Variants in TSHZ2 observed in about 807,000 individuals in gnomAD.
TSHZ2 encodes teashirt homolog 2.
In TSHZ2, 21 loss-of-function variants were observed where a neutral mutation model predicts 74.4. The ratio of observed to expected loss-of-function variants is 0.28; its 90% confidence interval spans 0.20 to 0.41. The LOEUF is 0.41. TSHZ2 is among the 10% of genes least tolerant of loss of function. TSHZ2 has a pLI of 1.00. For missense variants in TSHZ2, 1,244 were observed against 1,293.5 expected (o/e 0.96, Z 0.59); for synonymous variants, 540 against 515.3 (o/e 1.05, Z -0.65).
rs1983212286 is a variant in TSHZ2 at position 53,020,725 on chromosome 20, C to T, written c.40+47392C>T. ...AACTGAATAGCCAAAATCCAAAGAC[C>T]AGGGATAGCCTCAGGTTTACACTGT... On this transcript the variant is annotated intron_variant, in intron 1 of 2. Coordinates refer to ENST00000371497, the MANE Select transcript of TSHZ2 (RefSeq NM_173485.6). Among the ~76,000 whole-genome samples, 3 of 152,166 alleles carry T rather than the reference C, an allele frequency of 2.0e-5. No individual in the cohort carries two copies. The South Asian group carries it at 6.2e-4, about 32-fold the overall frequency.
At chr20:53,199,916 G>T (rs1988960232) in intron 1 of TSHZ2, among the ~76,000 whole-genome samples, 3 of 152,180 alleles carry the variant, frequency 2.0e-5, no homozygotes, top group Non-Finnish European at 4.4e-5. Flanking sequence ...GAGTAAATGT[G>T]TATACATCAC....
chr20:53,347,891 A>G (rs1289265808), intron 2 of TSHZ2, among the ~76,000 whole-genome samples: 1 of 152,174 alleles, frequency 6.6e-6, no homozygotes, highest in Non-Finnish European at 1.5e-5. Flanking sequence ...TACATTGACA[A>G]TGTGTGCACC....
intron 2 of TSHZ2, among the ~76,000 whole-genome samples, chr20:53,473,927 T>C (rs1985909995): frequency 6.6e-6 from 1 of 151,624 alleles, no homozygotes; most frequent in Non-Finnish European, 1.5e-5. Context: ...ATGAAATGAA[T>C]GAAATGAAGC....
chr20:53,463,382 GGAAGGAAGGA>G (rs1985444282), intron 2 of TSHZ2, among the ~76,000 whole-genome samples: 1 of 40,550 alleles, frequency 2.5e-5, no homozygotes, highest in Non-Finnish European at 5.2e-5. Flanking sequence ...GAGAGAGAGA[GGAAGGAAGGA>G]AGGAAGGAAG....
chr20:53,440,903 C>T (rs1984287123), intron 2 of TSHZ2, among the ~76,000 whole-genome samples: 1 of 152,350 alleles, frequency 6.6e-6, no homozygotes, highest in South Asian at 2.1e-4. Flanking sequence ...GTTTGGGCAT[C>T]AGTATTTTTA....
intron 1 of TSHZ2, among the ~76,000 whole-genome samples, chr20:53,126,013 GT>G (rs1986938313): frequency 6.9e-6 from 1 of 145,264 alleles, no homozygotes. Flanking sequence ...AAAACTCTGG[GT>G]TTTTGTTTGT....
chr20:53,137,922 ATAAATC>A (rs1987288065), intron 1 of TSHZ2, among the ~76,000 whole-genome samples: 1 of 152,232 alleles, frequency 6.6e-6, no homozygotes, highest in Non-Finnish European at 1.5e-5. Context: ...TCTTTAAAAA[ATAAATC>A]TAATAAAGTG....
intron 2 of TSHZ2, among the ~76,000 whole-genome samples, chr20:53,461,029 C>T (rs1985341460): frequency 6.6e-6 from 1 of 152,214 alleles, no homozygotes; most frequent in African/African-American, 2.4e-5. Context: ...GTGGAGCCTA[C>T]AGAGGCAGGC....
chr20:53,041,986 G>A (rs574298899), intron 1 of TSHZ2, among the ~76,000 whole-genome samples: 1 of 152,254 alleles, frequency 6.6e-6, no homozygotes, highest in East Asian at 1.9e-4. Context: ...ACAGAGAGGA[G>A]CATTCTGAGA....
At chr20:53,313,826 T>G (rs1978885800) in intron 2 of TSHZ2, among the ~76,000 whole-genome samples, 1 of 152,194 alleles carries the variant, frequency 6.6e-6, no homozygotes, top group African/African-American at 2.4e-5. Context: ...TTATGTGATC[T>G]TTGGCTCTGA....
chr20:53,303,626 T>C (rs1403936111), intron 2 of TSHZ2, among the ~76,000 whole-genome samples: 1 of 152,212 alleles, frequency 6.6e-6, no homozygotes, highest in Admixed American at 6.5e-5. Context: ...AGAAATTGTA[T>C]TTTTCTTAAT....
chr20:53,108,461 G>C (rs745988666), intron 1 of TSHZ2, among the ~76,000 whole-genome samples: 3 of 152,180 alleles, frequency 2.0e-5, no homozygotes, highest in South Asian at 2.1e-4. Context: ...AATTATAGCT[G>C]GAAGACGGTA....
At chr20:53,068,317 T>C (rs529529992) in intron 1 of TSHZ2, among the ~76,000 whole-genome samples, 1 of 152,094 alleles carries the variant, frequency 6.6e-6, no homozygotes, top group African/African-American at 2.4e-5. Context: ...GAGTCCTGCT[T>C]GTCTCTTTGG....
At chr20:52,988,390 G>A (rs905123116) in intron 1 of TSHZ2, among the ~76,000 whole-genome samples, 3 of 152,128 alleles carry the variant, frequency 2.0e-5, no homozygotes, top group Admixed American at 2.0e-4. Context: ...CAAGCTTTTA[G>A]ATAGGATACT....
At chr20:53,383,773 CAAT>C (rs900643183) in intron 2 of TSHZ2, among the ~76,000 whole-genome samples, 1 of 151,880 alleles carries the variant, frequency 6.6e-6, no homozygotes. Context: ...AAAATAATAA[CAAT>C]AATAATAATA....
intron 2 of TSHZ2, among the ~76,000 whole-genome samples, chr20:53,301,839 G>A (rs1978331430): frequency 6.6e-6 from 1 of 152,100 alleles, no homozygotes; most frequent in Non-Finnish European, 1.5e-5. Context: ...GCCATTTGAC[G>A]GGAGAAAAGT....
intron 1 of TSHZ2, among the ~76,000 whole-genome samples, chr20:53,089,013 G>A (rs1985788237): frequency 6.6e-6 from 1 of 152,092 alleles, no homozygotes; most frequent in African/African-American, 2.4e-5. Flanking sequence ...CTCCTTGACT[G>A]CCAGGGAGAA....
chr20:53,122,298 AAAAAAG>A (rs1181024636), intron 1 of TSHZ2, among the ~76,000 whole-genome samples: 11 of 145,224 alleles, frequency 7.6e-5, no homozygotes, highest in Admixed American at 2.2e-4. Flanking sequence ...CAAAAAAAAA[AAAAAAG>A]AAAGAAAACA....
chr20:53,105,629 T>G (rs1986339720), intron 1 of TSHZ2, among the ~76,000 whole-genome samples: 1 of 151,874 alleles, frequency 6.6e-6, no homozygotes, highest in Non-Finnish European at 1.5e-5. Context: ...TTAAGTTATA[T>G]TTTATTTTAT....
Sources: allele counts gnomAD v4.1 joint callset (sites outside exome capture counted in the v4.1 genomes callset), GRCh38; gene constraint gnomAD v4.1.1; transcripts MANE v1.5; gene names NCBI Gene and HGNC (gene_info 2026-07-23, HGNC 2026-07-21).